The following SLC44A5 variants were observed in gnomAD, a reference collection of about 807,000 sequenced individuals.
SLC44A5 encodes the protein solute carrier family 44 member 5.
A neutral mutation model predicts 101.8 loss-of-function variants in SLC44A5; 57 were observed. The observed-to-expected ratio is 0.56, with a 90% CI of 0.45 to 0.70. The LOEUF (loss-of-function observed/expected upper bound fraction) is 0.70. Ranked by LOEUF, SLC44A5 falls within the 30% of genes least tolerant of loss-of-function variation. The pLI, the probability that SLC44A5 is intolerant of heterozygous loss-of-function variation, is 0.00. For missense variants in SLC44A5, 737 were observed against 853.1 expected (o/e 0.86, Z 1.70); for synonymous variants, 281 against 290.9 (o/e 0.97, Z 0.35).
chr1:75,406,786 T>C (rs1491002334), intron 2 of SLC44A5, among the ~76,000 whole-genome samples: 2 of 152,156 alleles, frequency 1.3e-5, no homozygotes, highest in African/African-American at 4.8e-5. Flanking sequence ...GCATTCCCTT[T>C]GAAAACCAGC....
At chr1:75,674,870 C>T in the SLC44A5 span, among the ~76,000 whole-genome samples, 2 of 152,168 alleles carry the variant, frequency 1.3e-5, no homozygotes, top group Non-Finnish European at 2.9e-5. Flanking sequence ...AATAGAGAAT[C>T]CATTCTCCAT....
Position 75,203,616 on chromosome 1 carries a change from G to T in SLC44A5, c.*111C>A. The T allele has an allele frequency of 7.7e-7, 1 of 1,293,474 alleles. No individual in the cohort carries two copies. The highest frequency in any genetic ancestry group is 3.3e-5 in the Admixed American group (1 of 30,614). 80.1% of individuals were successfully genotyped at this position (1,293,474 alleles called of 1,614,324 possible). A position where few individuals can be genotyped will look rare whatever the true frequency, so the allele number is the denominator to read the frequency against. On this transcript the variant is annotated 3_prime_UTR_variant, in exon 24 of 24. Transcript: ENST00000370859. ...AAAACATGCAAATGCAAGCCAACAAGGTCGTGAATACAGTGTTGCTAAACA... is the reference window on the plus strand; with the variant it reads ...AAAACATGCAAATGCAAGCCAACAATGTCGTGAATACAGTGTTGCTAAACA...
intron 2 of SLC44A5, among the ~76,000 whole-genome samples, chr1:75,450,948 C>T (rs1665874392): frequency 6.6e-6 from 1 of 152,208 alleles, no homozygotes; most frequent in South Asian, 2.1e-4. Flanking sequence ...GCAAGGCCTT[C>T]TCTGTTCCAC....
chr1:75,679,889 A>G, the SLC44A5 span, among the ~76,000 whole-genome samples: 117 of 152,304 alleles, frequency 7.7e-4, no homozygotes, highest in Non-Finnish European at 1.0e-3. Flanking sequence ...AGAGACACAT[A>G]TAGGCTCAAA....
intron 22 of SLC44A5, among the ~76,000 whole-genome samples, chr1:75,212,704 G>T (rs1287841631): frequency 6.6e-6 from 1 of 152,124 alleles, no homozygotes; most frequent in African/African-American, 2.4e-5. Flanking sequence ...AGCACATACT[G>T]CCTGGGTTTG....
the SLC44A5 span, among the ~76,000 whole-genome samples, chr1:75,718,612 C>T: frequency 3.0e-4 from 46 of 152,206 alleles, 1 homozygote; most frequent in East Asian, 1.9e-4. Flanking sequence ...GATCTTGCTA[C>T]CTGAGGAGTG....
chr1:75,677,931 G>A, the SLC44A5 span: 5 of 213,560 alleles, frequency 2.3e-5, 1 homozygote, highest in South Asian at 1.5e-4. Flanking sequence ...GAAGCAGGGC[G>A]AGGCATTGCC....
chr1:75,616,416 G>T, the SLC44A5 span, among the ~76,000 whole-genome samples: 5 of 152,368 alleles, frequency 3.3e-5, no homozygotes, highest in African/African-American at 9.6e-5. Flanking sequence ...AAGCCAGGCA[G>T]AGTCTGATGG....
At chr1:75,257,624 T>C (rs1330230038) in intron 6 of SLC44A5, among the ~76,000 whole-genome samples, 2 of 152,118 alleles carry the variant, frequency 1.3e-5, no homozygotes, top group African/African-American at 4.8e-5. Flanking sequence ...GGTGAGCCCC[T>C]TGACCCACTC....
chr1:75,496,145 A>C (rs77682036), intron 2 of SLC44A5, among the ~76,000 whole-genome samples: 2,618 of 152,220 alleles, frequency 0.017, 68 homozygotes, highest in African/African-American at 0.059. Flanking sequence ...CAAATAGCCC[A>C]AACAATCTTG....
At chr1:75,719,492 C>T in the SLC44A5 span, among the ~76,000 whole-genome samples, 1 of 152,034 alleles carries the variant, frequency 6.6e-6, no homozygotes, top group East Asian at 1.9e-4. Flanking sequence ...TAGATTCTAG[C>T]CCTGACCACT....
At chr1:75,318,831 C>T (rs928899744) in intron 4 of SLC44A5, among the ~76,000 whole-genome samples, 15 of 152,120 alleles carry the variant, frequency 9.9e-5, no homozygotes, top group Admixed American at 2.6e-4. Flanking sequence ...GAGAACTGAG[C>T]ACCAGAATAA....
At chr1:75,479,118 C>T (rs1667643757) in intron 2 of SLC44A5, among the ~76,000 whole-genome samples, 1 of 152,220 alleles carries the variant, frequency 6.6e-6, no homozygotes, top group South Asian at 2.1e-4. Flanking sequence ...CGCTCAACTA[C>T]ATGGAAACTG....
At chr1:75,654,830 TTC>T in the SLC44A5 span, among the ~76,000 whole-genome samples, 1 of 152,128 alleles carries the variant, frequency 6.6e-6, no homozygotes, top group Admixed American at 6.5e-5. Context: ...TTAATACTCT[TTC>T]TCTTTCTATT....
chr1:75,446,675 C>T (rs78469619), intron 2 of SLC44A5, among the ~76,000 whole-genome samples: 1 of 146,000 alleles, frequency 6.8e-6, no homozygotes, highest in Non-Finnish European at 1.5e-5. Context: ...CACACACACA[C>T]ATACACACAC....
At chr1:75,457,996 T>C (rs1047123792) in intron 2 of SLC44A5, among the ~76,000 whole-genome samples, 1 of 152,210 alleles carries the variant, frequency 6.6e-6, no homozygotes, top group African/African-American at 2.4e-5. Flanking sequence ...ACACAGTCCT[T>C]ACCCTCAATA....
intron 4 of SLC44A5, among the ~76,000 whole-genome samples, chr1:75,330,866 A>G (rs1461544739): frequency 6.6e-6 from 1 of 151,932 alleles, no homozygotes; most frequent in Non-Finnish European, 1.5e-5. Context: ...TCATTTCTCA[A>G]TTTTTATCTT....
intron 2 of SLC44A5, among the ~76,000 whole-genome samples, chr1:75,409,484 G>A (rs1663135955): frequency 6.6e-6 from 1 of 152,082 alleles, no homozygotes; most frequent in South Asian, 2.1e-4. Context: ...GTGCTACCCT[G>A]TTAGAACAGA....
At chr1:75,413,553 G>T (rs1317084853) in intron 2 of SLC44A5, among the ~76,000 whole-genome samples, 1 of 152,164 alleles carries the variant, frequency 6.6e-6, no homozygotes, top group Non-Finnish European at 1.5e-5. Context: ...ATTTATGACT[G>T]TCTAGAATTT....
Sources: gnomAD v4.1 joint callset for allele counts (sites outside exome capture counted in the v4.1 genomes callset) on GRCh38, gnomAD v4.1.1 for gene constraint, MANE v1.5 for transcripts, NCBI Gene and HGNC (gene_info 2026-07-23, HGNC 2026-07-21) for gene names.